Variants in ZNF486 observed in about 807,000 individuals in gnomAD.
ZNF486 encodes KRAB box only protein 2.
Under a neutral mutation model 12.8 loss-of-function variants are expected in ZNF486, and 12 were observed. The observed-to-expected ratio is 0.94, with a 90% CI of 0.60 to 1.52. ZNF486 has a LOEUF of 1.52. Ranked by LOEUF, ZNF486 falls within the 40% of genes most tolerant of loss-of-function variation. The probability of loss-of-function intolerance (pLI) is 0.00; values close to 1 mark genes in which losing one functional copy is unlikely to be tolerated. For synonymous variants in ZNF486, 231 were observed against 184.9 expected (o/e 1.25, Z -2.02); for missense variants, 738 against 545.0 (o/e 1.35, Z -3.53).
intron 1 of ZNF486, among the ~76,000 whole-genome samples, chr19:20,172,313 T>G (rs2089657169): frequency 6.7e-6 from 1 of 150,152 alleles, no homozygotes; most frequent in African/African-American, 2.4e-5. Flanking sequence ...TTTGCCTACT[T>G]TTTTTTTTTG....
intron 1 of ZNF486, among the ~76,000 whole-genome samples, chr19:20,169,984 G>A (rs898926944): frequency 1.4e-5 from 2 of 145,968 alleles, no homozygotes; most frequent in Non-Finnish European, 3.0e-5. Flanking sequence ...TCCGCCTCCC[G>A]GGTTCACGCC....
chr19:20,197,720 T>G lies in ZNF486; in HGVS notation c.1010T>G (p.Leu337Arg), dbSNP rs1458349914. 5 of 1,613,428 alleles carry G rather than the reference T, an allele frequency of 3.1e-6. No homozygotes were observed. The African/African-American group carries it at 6.7e-5, about 22-fold the overall frequency. The change falls in exon 4 of 4, where the codon CTT (leucine) becomes CGT (arginine). Residue 337 changes from leucine to arginine, a missense_variant. Coordinates refer to ENST00000335117, the MANE Select transcript of ZNF486 (RefSeq NM_052852.4). ...AAAGCCTTTATTTCATCCTCGATCC[T>G]TAGTAAACATGAGAAGATTCATACG... ...CGKAFISSSILSKHEKIHTGE... is the reference protein window; with the variant it reads ...CGKAFISSSIRSKHEKIHTGE...
chr19:20,185,557 G>A (rs1464836201), intron 2 of ZNF486, among the ~76,000 whole-genome samples: 3 of 151,312 alleles, frequency 2.0e-5, no homozygotes, highest in Non-Finnish European at 4.4e-5. Context: ...ACTACTACAG[G>A]CACGTGCCGC....
In ZNF486 at chr19:20,200,305, T is replaced by C. The variant is rs1568330415; in HGVS notation, c.*2203T>C. On this transcript the variant is annotated 3_prime_UTR_variant, in exon 4 of 4. Coordinates refer to ENST00000335117, the MANE Select transcript of ZNF486 (RefSeq NM_052852.4). ...GGACATTAAAATGTAAGATGCATGA[T>C]GAAAATATAAGTGGAGAGGCTCTTT... 1 of 152,164 alleles carries C rather than the reference T, an allele frequency of 6.6e-6. No individual in the cohort carries two copies. The highest frequency in any genetic ancestry group is 1.9e-4 in the East Asian group (1 of 5,194). 9.4% of individuals were successfully genotyped at this position (152,164 alleles called of 1,614,324 possible).
At position 20,197,144 on chromosome 19, in the gene ZNF486, G is replaced by A; in HGVS notation, c.434G>A (p.Cys145Tyr). ...AGAGGTTATAATGGACTTAACCAAT[G>A]TTTGACAACTACCCAGAGCAAAATA... ...HKRGYNGLNQ[C>Y]LTTTQSKIFQ... The change falls in exon 4 of 4, where the codon TGT (cysteine) becomes TAT (tyrosine). Residue 145 changes from cysteine (C) to tyrosine (Y), a missense_variant. Cys to Tyr is a radical substitution (Grantham distance 194). Coordinates refer to ENST00000335117, the MANE Select transcript of ZNF486 (RefSeq NM_052852.4). The A allele has an allele frequency of 8.1e-6, 13 of 1,613,888 alleles. No individual in the cohort carries two copies. Among genetic ancestry groups the A allele is most frequent in the Non-Finnish European group, 1.1e-5 (13 of 1,179,962 alleles).
At chr19:20,182,663 G>A (rs1227116059) in intron 1 of ZNF486, among the ~76,000 whole-genome samples, 2 of 152,140 alleles carry the variant, frequency 1.3e-5, no homozygotes, top group Non-Finnish European at 2.9e-5. Context: ...GGCAGGGAGG[G>A]CACCTGAGGA....
At position 20,183,721 on chromosome 19, in the gene ZNF486, T is replaced by C. The variant is rs868952984; in HGVS notation, c.31-635T>C. On this transcript the variant is annotated intron_variant, in intron 1 of 3. Coordinates refer to ENST00000335117, the MANE Select transcript of ZNF486 (RefSeq NM_052852.4). ...CATTATTATGTTTATGCAGCTGATATGCATAAACCTCACATTAAATCTGGC... is the reference window on the plus strand; with the variant it reads ...CATTATTATGTTTATGCAGCTGATACGCATAAACCTCACATTAAATCTGGC... Among the ~76,000 whole-genome samples, 8 of 152,274 alleles carry C rather than the reference T, an allele frequency of 5.3e-5. No individual in the cohort carries two copies. The South Asian group carries it at 1.2e-3, about 24-fold the overall frequency.
chr19:20,181,138 A>T (rs1275355778), intron 1 of ZNF486, among the ~76,000 whole-genome samples: 1 of 152,114 alleles, frequency 6.6e-6, no homozygotes, highest in Non-Finnish European at 1.5e-5. Context: ...CCTACCCTGG[A>T]GTCTTGCCTC....
At position 20,197,946 on chromosome 19, in the gene ZNF486, C is replaced by G; in HGVS notation, c.1236C>G (p.Gly412=). Residue 412 remains glycine (G), a synonymous_variant, in exon 4 of 4, where the codon GGC becomes GGG. Coordinates refer to ENST00000335117, the MANE Select transcript of ZNF486 (RefSeq NM_052852.4). ...GEKPYKCEEC[G]KAYTTSSNLT... is the part of the protein sequence containing the mutation. ...AACCCTACAAATGTGAAGAATGTGGCAAAGCGTATACTACATCCTCAAATC... is the reference window on the plus strand; with the variant it reads ...AACCCTACAAATGTGAAGAATGTGGGAAAGCGTATACTACATCCTCAAATC... 1 of 1,613,780 alleles carries G rather than the reference C, an allele frequency of 6.2e-7. No homozygotes were observed. The highest frequency in any genetic ancestry group is 8.5e-7 in the Non-Finnish European group (1 of 1,179,812).
intron 1 of ZNF486, among the ~76,000 whole-genome samples, chr19:20,168,966 A>G (rs1368414769): frequency 6.6e-6 from 1 of 151,592 alleles, no homozygotes; most frequent in Non-Finnish European, 1.5e-5. Context: ...TCAGCCTCCC[A>G]AGTAGCTGGG....
intron 3 of ZNF486, among the ~76,000 whole-genome samples, chr19:20,193,280 A>G (rs1054018317): frequency 5.3e-5 from 8 of 151,810 alleles, no homozygotes; most frequent in Non-Finnish European, 1.0e-4. Flanking sequence ...AAAAAACTTT[A>G]AAGTTTTTAT....
At chr19:20,194,479 C>A (rs1215256671) in intron 3 of ZNF486, among the ~76,000 whole-genome samples, 11 of 152,260 alleles carry the variant, frequency 7.2e-5, no homozygotes, top group African/African-American at 2.2e-4. Flanking sequence ...ATAATCCCAG[C>A]ACTTTGGGAG....
At chr19:20,189,272 T>C (rs959838468) in intron 3 of ZNF486, among the ~76,000 whole-genome samples, 49 of 152,114 alleles carry the variant, frequency 3.2e-4, no homozygotes, top group Non-Finnish European at 1.2e-4. Flanking sequence ...GGGTTTATTA[T>C]GTTGGCCAGG....
Position 20,200,199 on chromosome 19 carries a change from G to A in ZNF486, c.*2097G>A, listed in dbSNP as rs2090000067. On this transcript the variant is annotated 3_prime_UTR_variant, in exon 4 of 4. Coordinates refer to ENST00000335117, the MANE Select transcript of ZNF486 (RefSeq NM_052852.4). ...TTATTGTATTCACATGTGAAAGCAT[G>A]TGATCAATTTTTGCTGCATCAGAGA... 1 of 152,128 alleles carries A rather than the reference G, an allele frequency of 6.6e-6. No homozygotes were observed. The highest frequency in any genetic ancestry group is 2.1e-4 in the South Asian group (1 of 4,826). The allele number at this position is 152,128 out of a possible 1,614,324, so 9.4% of individuals were successfully genotyped here. A position where few individuals can be genotyped will look rare whatever the true frequency, so the allele number is the denominator to read the frequency against.
intron 1 of ZNF486, among the ~76,000 whole-genome samples, chr19:20,178,320 T>C (rs1367682935): frequency 1.3e-5 from 2 of 152,128 alleles, no homozygotes; most frequent in South Asian, 4.1e-4. Flanking sequence ...CTCGGCTCAC[T>C]GCAAGCTCCA....
At chr19:20,174,056 A>T (rs973387481) in intron 1 of ZNF486, among the ~76,000 whole-genome samples, 67 of 152,198 alleles carry the variant, frequency 4.4e-4, no homozygotes, top group Non-Finnish European at 7.9e-4. Context: ...TCCTTTAAAT[A>T]GACACAGATT....
At chr19:20,178,366 C>T (rs1488565464) in intron 1 of ZNF486, among the ~76,000 whole-genome samples, 1 of 152,092 alleles carries the variant, frequency 6.6e-6, no homozygotes, top group East Asian at 1.9e-4. Flanking sequence ...GCCTCAGCCT[C>T]CTGAATAGCT....
chr19:20,189,269 T>C (rs1035075241), intron 3 of ZNF486, among the ~76,000 whole-genome samples: 15 of 152,078 alleles, frequency 9.9e-5, no homozygotes, highest in Admixed American at 9.2e-4. Flanking sequence ...ATGGGGTTTA[T>C]TATGTTGGCC....
intron 3 of ZNF486, among the ~76,000 whole-genome samples, chr19:20,196,483 C>T (rs961186255): frequency 1.3e-5 from 2 of 152,168 alleles, no homozygotes; most frequent in Non-Finnish European, 2.9e-5. Context: ...GGCCCATGAC[C>T]ATGACTGGCT....
Sources: gnomAD v4.1 joint callset for allele counts (sites outside exome capture counted in the v4.1 genomes callset) on GRCh38, gnomAD v4.1.1 for gene constraint, MANE v1.5 for transcripts, NCBI Gene and HGNC (gene_info 2026-07-23, HGNC 2026-07-21) for gene names.